The following TEAD1 variants were observed in gnomAD, a reference collection of about 807,000 sequenced individuals.
TEAD1 encodes the protein transcriptional enhancer factor TEF-1.
A neutral mutation model predicts 54.9 loss-of-function variants in TEAD1; 9 were observed. That is an observed-to-expected ratio of 0.16 (90% CI 0.10 to 0.29). The LOEUF is 0.29. TEAD1 is among the 10% of genes least tolerant of loss of function. TEAD1 has a pLI of 1.00. For synonymous variants in TEAD1, 200 were observed against 187.8 expected, an observed-to-expected ratio of 1.07 and a Z score of -0.53; for missense variants, 387 against 535.9, an observed-to-expected ratio of 0.72 and a Z score of 2.74.
chr11:12,682,070 C>A (rs1370373180), intron 2 of TEAD1, among the ~76,000 whole-genome samples: 1 of 152,198 alleles, frequency 6.6e-6, no homozygotes, highest in Non-Finnish European at 1.5e-5. Context: ...AAGGCCCCAT[C>A]ATAACATCCG....
chr11:12,820,556 C>G lies in TEAD1; in HGVS notation c.203-41694C>G, dbSNP rs1481082750. Reference sequence around the variant, plus strand: ...ACGTTGGTGATGAAATTATAACACCCTAAAAGAAGACTTTGGAGTAGGAAC... The same window carrying G: ...ACGTTGGTGATGAAATTATAACACCGTAAAAGAAGACTTTGGAGTAGGAAC... On this transcript the variant is annotated intron_variant, in intron 3 of 12. Coordinates refer to ENST00000527636, the MANE Select transcript of TEAD1 (RefSeq NM_021961.6). Among the ~76,000 whole-genome samples, 3 of 152,150 alleles carry G rather than the reference C, an allele frequency of 2.0e-5. No individual in the cohort carries two copies. The East Asian group carries it at 5.8e-4, about 29-fold the overall frequency.
intron 2 of TEAD1, among the ~76,000 whole-genome samples, chr11:12,743,935 T>C (rs999318705): frequency 6.6e-6 from 1 of 152,214 alleles, no homozygotes; most frequent in Non-Finnish European, 1.5e-5. Context: ...ACTGACTCTT[T>C]ACACGCTGTT....
chr11:12,907,050 A>G (rs889522029), intron 10 of TEAD1, among the ~76,000 whole-genome samples: 1 of 152,140 alleles, frequency 6.6e-6, no homozygotes, highest in Non-Finnish European at 1.5e-5. Context: ...CGGTAACTCT[A>G]TGTTTAACAT....
intron 12 of TEAD1, among the ~76,000 whole-genome samples, chr11:12,934,616 T>C (rs75954780): frequency 0.024 from 3,629 of 152,090 alleles, 149 homozygotes; most frequent in African/African-American, 0.083. Context: ...CAAGGTATCT[T>C]ATGGTCATGA....
rs954667508 is a variant in TEAD1 at position 12,938,808 on chromosome 11, T to C, written c.*1586T>C. On this transcript the variant is annotated 3_prime_UTR_variant, in exon 13 of 13. Transcript: ENST00000527636. ...CTGGGGAGAGAACAGGGAGTGCTCCTCCAGCTTCCCAAAGAAATATGTTTT... is the reference window on the plus strand; with the variant it reads ...CTGGGGAGAGAACAGGGAGTGCTCCCCCAGCTTCCCAAAGAAATATGTTTT... 2.6e-5 allele frequency: 4 copies of C among 152,262 alleles called. No homozygotes were observed. The highest frequency in any genetic ancestry group is 2.6e-4 in the Admixed American group (4 of 15,286). The allele number at this position is 152,262 out of a possible 1,614,324, so 9.4% of individuals were successfully genotyped here. A position where few individuals can be genotyped will look rare whatever the true frequency, so the allele number is the denominator to read the frequency against.
chr11:12,724,982 T>C (rs1192578624), intron 2 of TEAD1, among the ~76,000 whole-genome samples: 1 of 152,168 alleles, frequency 6.6e-6, no homozygotes, highest in Non-Finnish European at 1.5e-5. Flanking sequence ...CCTGGTTGAT[T>C]TTAGCCTGGG....
At chr11:12,890,214 C>T (rs1036068405) in intron 9 of TEAD1, among the ~76,000 whole-genome samples, 1 of 152,128 alleles carries the variant, frequency 6.6e-6, no homozygotes, top group Non-Finnish European at 1.5e-5. Context: ...TATTCTTAAC[C>T]ATGTCACTGT....
intron 3 of TEAD1, among the ~76,000 whole-genome samples, chr11:12,814,801 G>A (rs1444989117): frequency 2.6e-5 from 2 of 76,862 alleles, no homozygotes; most frequent in Non-Finnish European, 6.4e-5. Flanking sequence ...GTGTGTGTGT[G>A]TGTGTGTGTG....
chr11:12,694,074 C>G (rs929630371), intron 2 of TEAD1, among the ~76,000 whole-genome samples: 1 of 152,182 alleles, frequency 6.6e-6, no homozygotes, highest in African/African-American at 2.4e-5. Context: ...CTCTGCTGTG[C>G]GGCCCGGCAC....
chr11:12,899,273 T>G (rs1402595739), intron 9 of TEAD1, among the ~76,000 whole-genome samples: 1 of 139,150 alleles, frequency 7.2e-6, no homozygotes, highest in Non-Finnish European at 1.5e-5. Flanking sequence ...CAGGGTTGGA[T>G]GGACGGATAC....
chr11:12,824,682 G>A (rs911134619), intron 3 of TEAD1, among the ~76,000 whole-genome samples: 4 of 152,184 alleles, frequency 2.6e-5, no homozygotes, highest in Admixed American at 6.5e-5. Flanking sequence ...CTGGGTGATG[G>A]GGGTGAGGGT....
chr11:12,704,283 C>T (rs758500226), intron 2 of TEAD1, among the ~76,000 whole-genome samples: 1 of 152,190 alleles, frequency 6.6e-6, no homozygotes, highest in Admixed American at 6.5e-5. Flanking sequence ...TGTTTTCCTT[C>T]TGAGAAGTTA....
At chr11:12,805,837 C>A (rs1946159739) in intron 3 of TEAD1, among the ~76,000 whole-genome samples, 1 of 152,224 alleles carries the variant, frequency 6.6e-6, no homozygotes, top group Non-Finnish European at 1.5e-5. Context: ...GTTAGTTTTA[C>A]AGCTCCGTTT....
At chr11:12,934,317 T>G (rs1949062819) in intron 12 of TEAD1, among the ~76,000 whole-genome samples, 1 of 151,910 alleles carries the variant, frequency 6.6e-6, no homozygotes, top group Admixed American at 6.6e-5. Context: ...ATGTTCTCAC[T>G]CATAGGTGGG....
chr11:12,809,386 T>C (rs948563783), intron 3 of TEAD1, among the ~76,000 whole-genome samples: 4 of 152,186 alleles, frequency 2.6e-5, no homozygotes, highest in Admixed American at 6.5e-5. Flanking sequence ...CTGTCCCCAT[T>C]GACAGGGAGC....
intron 3 of TEAD1, among the ~76,000 whole-genome samples, chr11:12,832,967 C>G (rs1030526801): frequency 6.6e-6 from 1 of 152,202 alleles, no homozygotes; most frequent in Non-Finnish European, 1.5e-5. Flanking sequence ...TTTCATCTTC[C>G]GAAATTATGC....
At chr11:12,776,249 T>C (rs1257337176) in intron 3 of TEAD1, among the ~76,000 whole-genome samples, 1 of 152,176 alleles carries the variant, frequency 6.6e-6, no homozygotes, top group Non-Finnish European at 1.5e-5. Flanking sequence ...CCAACATTCA[T>C]GTATTATGGT....
chr11:12,879,436 A>G (rs1214949300), intron 5 of TEAD1: 3 of 603,036 alleles, frequency 5.0e-6, no homozygotes, highest in Non-Finnish European at 8.9e-6. Context: ...TACGTTGTCC[A>G]CTCTTCTGAG....
chr11:12,887,288 G>A (rs1168487494), intron 9 of TEAD1, among the ~76,000 whole-genome samples: 1 of 151,910 alleles, frequency 6.6e-6, no homozygotes, highest in Non-Finnish European at 1.5e-5. Context: ...AGTGAGACAG[G>A]GTTTCACCGT....
Sources: allele counts gnomAD v4.1 joint callset (sites outside exome capture counted in the v4.1 genomes callset), GRCh38; gene constraint gnomAD v4.1.1; transcripts MANE v1.5; gene names NCBI Gene and HGNC (gene_info 2026-07-23, HGNC 2026-07-21).